NDP: variants seen among roughly 807,000 people sequenced by gnomAD.
NDP encodes the protein norrin cystine knot growth factor NDP.
Under a neutral mutation model 8.4 loss-of-function variants are expected in NDP, and 2 were observed. The observed-to-expected ratio is 0.24, with a 90% confidence interval of 0.10 to 0.75. NDP has a LOEUF of 0.75. NDP is among the 30% of genes least tolerant of loss of function. The pLI, the probability that NDP is intolerant of heterozygous loss-of-function variation, is 0.73. For synonymous variants in NDP, 55 were observed against 45.6 expected (o/e 1.21, Z -0.83); for missense variants, 81 against 110.1 (o/e 0.74, Z 1.18).
intron 1 of NDP, among the ~76,000 whole-genome samples, chrX:43,965,132 G>A (rs913508049): frequency 8.9e-6 from 1 of 112,107 alleles, no homozygotes; most frequent in Admixed American, 9.5e-5. Context: ...CATAGGAAGT[G>A]GGCCAAGTGC....
Position 43,949,538 on chromosome X carries a change from G to A in NDP, c.*261C>T, listed in dbSNP as rs997377300. 1.0e-5 allele frequency: 4 copies of A among 391,198 alleles called. No homozygotes were observed. Among genetic ancestry groups the A allele is most frequent in the African/African-American group, 7.6e-5 (3 of 39,472 alleles). The allele number at this position is 391,198 out of a possible 1,213,427, so 32.2% of individuals were successfully genotyped here. On this transcript the variant is annotated 3_prime_UTR_variant, in exon 3 of 3. Transcript: ENST00000642620. ...TTGTTGGAAACCCAAACAGCATTGA[G>A]AGCCAAGGGGGAAAATGCCTGAATC...
intron 2 of NDP, among the ~76,000 whole-genome samples, chrX:43,956,997 A>G (rs1432974147): frequency 1.8e-5 from 2 of 112,016 alleles, no homozygotes; most frequent in Admixed American, 1.9e-4. Context: ...GTTTTTATAG[A>G]TGCTCCTATT....
chrX:43,968,367 G>C, intron 1 of NDP, among the ~76,000 whole-genome samples: 1 of 112,684 alleles, frequency 8.9e-6, no homozygotes, highest in Non-Finnish European at 1.9e-5. Flanking sequence ...GCTGGCATCA[G>C]AAATAATGCC....
At chrX:43,950,549 G>A (rs1210380944) in intron 2 of NDP, among the ~76,000 whole-genome samples, 1 of 110,601 alleles carries the variant, frequency 9.0e-6, no homozygotes, top group Admixed American at 9.6e-5. Context: ...AGGATAGCCT[G>A]AGTAATGCTT....
chrX:43,964,449 G>C (rs2035845569), intron 1 of NDP, among the ~76,000 whole-genome samples: 1 of 111,330 alleles, frequency 9.0e-6, no homozygotes, highest in Non-Finnish European at 1.9e-5. Flanking sequence ...AAGTTTTACT[G>C]TCTGAGGAGG....
At chrX:43,956,454 G>C (rs1258498797) in intron 2 of NDP, among the ~76,000 whole-genome samples, 1 of 111,920 alleles carries the variant, frequency 8.9e-6, no homozygotes, top group African/African-American at 3.2e-5. Context: ...TAGGCTAAAT[G>C]TTTTATCCAA....
chrX:43,969,182 G>T (rs781281182), intron 1 of NDP, among the ~76,000 whole-genome samples: 1 of 111,546 alleles, frequency 9.0e-6, no homozygotes, highest in Non-Finnish European at 1.9e-5. Flanking sequence ...AAAAAATCCC[G>T]CCCCATCTCC....
intron 2 of NDP, among the ~76,000 whole-genome samples, chrX:43,951,594 A>T (rs185948999): frequency 1.2e-4 from 14 of 112,064 alleles, no homozygotes; most frequent in African/African-American, 4.5e-4. Context: ...CTCACCAGCT[A>T]TTATCTCTGA....
chrX:43,958,416 T>C, intron 2 of NDP, 56 bp downstream of exon 2: 1 of 1,161,430 alleles, frequency 8.6e-7, no homozygotes, highest in South Asian at 1.8e-5. Context: ...CAAAGAAATA[T>C]GGCTTCTTGC....
intron 2 of NDP, among the ~76,000 whole-genome samples, chrX:43,950,251 T>G (rs1192024186): frequency 9.1e-6 from 1 of 109,743 alleles, no homozygotes; most frequent in Non-Finnish European, 1.9e-5. Flanking sequence ...TTTTCAAAGC[T>G]TCTTAGGTGA....
intron 1 of NDP, among the ~76,000 whole-genome samples, chrX:43,961,247 G>A: frequency 8.9e-6 from 1 of 112,545 alleles, no homozygotes. Context: ...ACTCTGTAGA[G>A]GCCAATCTGG....
chrX:43,952,212 T>C (rs2035767272), intron 2 of NDP, among the ~76,000 whole-genome samples: 1 of 111,569 alleles, frequency 9.0e-6, no homozygotes, highest in Non-Finnish European at 1.9e-5. Context: ...GGCTAGTCCC[T>C]AATTCCCACC....
rs1439870908 is a variant in NDP, at chrX:43,949,879, G to A, written c.322C>T (p.Leu108=). Residue 108 remains leucine (L), a synonymous_variant, in exon 3 of 3, where the codon CTG becomes TTG. Coordinates refer to ENST00000642620, the MANE Select transcript of NDP (RefSeq NM_000266.4). ...PQTSKLKALR[L]RCSGGMRLTA... is the part of the protein sequence containing the mutation. Reference sequence around the variant, plus strand: ...AGTCGCATGCCCCCTGAGCATCGCAGCCGCAGTGCCTTCAGCTTGGAAGTC... The same window carrying A: ...AGTCGCATGCCCCCTGAGCATCGCAACCGCAGTGCCTTCAGCTTGGAAGTC... 1 of 1,195,344 alleles carries A rather than the reference G, an allele frequency of 8.4e-7. No homozygotes were observed. Among genetic ancestry groups the A allele is most frequent in the African/African-American group, 1.8e-5 (1 of 56,700 alleles).
intron 1 of NDP, among the ~76,000 whole-genome samples, chrX:43,969,154 A>G (rs2035875279): frequency 1.8e-5 from 2 of 110,073 alleles, no homozygotes; most frequent in Admixed American, 9.6e-5. Flanking sequence ...TGCTCTTAAG[A>G]GACAGAAAGA....
chrX:43,955,524 G>A (rs1222572051), intron 2 of NDP, among the ~76,000 whole-genome samples: 4 of 112,610 alleles, frequency 3.6e-5, no homozygotes, highest in African/African-American at 1.3e-4. Context: ...GATTCCACCA[G>A]GCAGTCTGTT....
rs141062184 is a variant in NDP, at chrX:43,955,433, C to T, written c.174+3039G>A. Among the ~76,000 whole-genome samples the T allele has an allele frequency of 1.2e-3, 132 of 112,123 alleles. No individual in the cohort carries two copies. The East Asian group carries it at 0.016, about 13-fold the overall frequency. On this transcript the variant is annotated intron_variant, in intron 2 of 2. Coordinates refer to ENST00000642620, the MANE Select transcript of NDP (RefSeq NM_000266.4). Reference sequence around the variant, plus strand: ...AAGTTACTGAACTTCCTCAAAGTCACTCATTCGGCAAGCCATGGAGCTGGA... The same window carrying T: ...AAGTTACTGAACTTCCTCAAAGTCATTCATTCGGCAAGCCATGGAGCTGGA...
chrX:43,949,365 A>G lies in NDP; in HGVS notation c.*434T>C, dbSNP rs1057329068. 41 of 153,382 alleles carry G rather than the reference A, an allele frequency of 2.7e-4. No homozygotes were observed. The highest frequency in any genetic ancestry group is 1.1e-4 in the Non-Finnish European group (9 of 81,962). 12.6% of individuals were successfully genotyped at this position (153,382 alleles called of 1,213,427 possible). A position where few individuals can be genotyped will look rare whatever the true frequency, so the allele number is the denominator to read the frequency against. ...CAACCTTAGACCAAAATGACAAGGT[A>G]AAAAAAAACATCAACAATAACAGAA... On this transcript the variant is annotated 3_prime_UTR_variant, in exon 3 of 3. Transcript: ENST00000642620.
chrX:43,969,890 G>T (rs1243453721), intron 1 of NDP, among the ~76,000 whole-genome samples: 1 of 112,121 alleles, frequency 8.9e-6, no homozygotes, highest in East Asian at 2.8e-4. Flanking sequence ...CACCCAGGAA[G>T]ATTCCAGGAC....
At chrX:43,972,891 C>T (rs765507917) in intron 1 of NDP, among the ~76,000 whole-genome samples, 54 of 112,780 alleles carry the variant, frequency 4.8e-4, no homozygotes, top group Admixed American at 8.4e-4. Context: ...GTCTTGCCTG[C>T]GTTAATAGTG....
Sources: allele counts gnomAD v4.1 joint callset (sites outside exome capture counted in the v4.1 genomes callset), GRCh38; gene constraint gnomAD v4.1.1; transcripts MANE v1.5; gene names NCBI Gene and HGNC (gene_info 2026-07-23, HGNC 2026-07-21).